The following TRADD variants were observed in gnomAD, a reference collection of about 807,000 sequenced individuals.
TRADD encodes the protein tumor necrosis factor receptor type 1-associated DEATH domain protein.
TRADD carries 14 observed loss-of-function variants against 31.5 expected under a neutral mutation model. That is an observed-to-expected ratio of 0.44 (90% confidence interval 0.29 to 0.69). The LOEUF is 0.69. TRADD is among the 30% of genes least tolerant of loss of function. The pLI is 0.11. For missense variants in TRADD, 388 were observed against 435.7 expected, an observed-to-expected ratio of 0.89 and a Z score of 0.97; for synonymous variants, 220 against 215.8, an observed-to-expected ratio of 1.02 and a Z score of -0.17.
In TRADD at chr16:67,155,495, G is replaced by A. The variant is rs762601599; in HGVS notation, c.311C>T (p.Ala104Val). ...CACCGAGTGCTGGGCGAGCGCGGCC[G>A]CCAGGCTCCTCTGCAGCGCGGCGCG... The part of the protein sequence containing the change: ...ALRAALQRSL[A>V]AALAQHSVPL... The change falls in exon 3 of 5, where the codon GCG becomes GTG. Residue 104 changes from alanine to valine, a missense_variant. Ala to Val is a moderately conservative substitution (Grantham distance 64). Transcript: ENST00000345057. 7.4e-5 allele frequency: 115 copies of A among 1,555,790 alleles called. 1 individual carries two copies. Among genetic ancestry groups the A allele is most frequent in the Admixed American group, 9.3e-5 (5 of 53,640 alleles).
Position 67,156,176 on chromosome 16 carries a change from G to A in TRADD, c.151+334C>T. The A allele has an allele frequency of 7.2e-7, 1 of 1,396,292 alleles. No individual in the cohort carries two copies. 86.5% of individuals were successfully genotyped at this position (1,396,292 alleles called of 1,614,324 possible). On this transcript the variant is annotated intron_variant, in intron 2 of 4. Coordinates refer to ENST00000345057, the MANE Select transcript of TRADD (RefSeq NM_003789.4). The surrounding 1 kb of genome is among the most constrained non-coding windows in gnomAD (Gnocchi z 4.6). ...GGGGGGCCTGGAAGGGTAGGTACTG[G>A]GGAGGGGTCTTGAGCAAGGAGTGCT...
In TRADD at chr16:67,159,506, C is replaced by T. The variant is rs2030824144; in HGVS notation, c.-9+332G>A. Among the ~76,000 whole-genome samples, 1 of 152,228 alleles carries T rather than the reference C, an allele frequency of 6.6e-6. No homozygotes were observed. Among genetic ancestry groups the T allele is most frequent in the African/African-American group, 2.4e-5 (1 of 41,466 alleles). On this transcript the variant is annotated intron_variant, in intron 1 of 4. Transcript: ENST00000345057. The surrounding 1 kb of genome is among the most constrained non-coding windows in gnomAD (Gnocchi z 6.8). ...TCCCAGGCTCCCACTAGCCCACCCT[C>T]AAGCTGGGGTTTCGCACGTGCGATC...
chr16:67,156,275 C>T lies in TRADD; in HGVS notation c.151+235G>A, dbSNP rs1280198388. Reference sequence around the variant, plus strand: ...GAGTGAGCCGGCTGGTGGAGGGGGGCGGGGATGGAGCAAAGGACGTTAGTG... The same window carrying T: ...GAGTGAGCCGGCTGGTGGAGGGGGGTGGGGATGGAGCAAAGGACGTTAGTG... On this transcript the variant is annotated intron_variant, in intron 2 of 4. Transcript: ENST00000345057. The surrounding 1 kb of genome is among the most constrained non-coding windows in gnomAD (Gnocchi z 4.6). 1 of 1,192,794 alleles carries T rather than the reference C, an allele frequency of 8.4e-7. No individual in the cohort carries two copies. Among genetic ancestry groups the T allele is most frequent in the East Asian group, 2.6e-5 (1 of 38,018 alleles). The allele number at this position is 1,192,794 out of a possible 1,614,324, so 73.9% of individuals were successfully genotyped here. A position where few individuals can be genotyped will look rare whatever the true frequency, so the allele number is the denominator to read the frequency against.
At position 67,159,192 on chromosome 16, in the gene TRADD, C is replaced by T. The variant is rs916765947; in HGVS notation, c.-9+646G>A. On this transcript the variant is annotated intron_variant, in intron 1 of 4. Transcript: ENST00000345057. This position sits in a 1 kb window ranked among gnomAD's most constrained non-coding sequence, Gnocchi z 6.8. ...CGCGCCCCACCCACCAGGAGTCGTC[C>T]CTTTTTGGGCGGGGCTGAGGCTTCC... 1.3e-5 allele frequency among the ~76,000 whole-genome samples: 2 copies of T among 152,232 alleles called. No individual in the cohort carries two copies. The highest frequency in any genetic ancestry group is 6.5e-5 in the Admixed American group (1 of 15,282).
Position 67,154,588 on chromosome 16 carries a change from A to G in TRADD, c.*61T>C, listed in dbSNP as rs1426587214. The G allele has an allele frequency of 1.3e-6, 2 of 1,567,062 alleles. No homozygotes were observed. The highest frequency in any genetic ancestry group is 1.7e-6 in the Non-Finnish European group (2 of 1,157,500). ...CCCGTGGATGGACAGGGGTTCAGCA[A>G]TAGCCGCAGAAGGAACCCTAAGGCC... On this transcript the variant is annotated 3_prime_UTR_variant, in exon 5 of 5. Transcript: ENST00000345057. This position sits in a 1 kb window ranked among gnomAD's most constrained non-coding sequence, Gnocchi z 5.2.
In TRADD at chr16:67,156,046, G is replaced by A. The variant is rs2030681674; in HGVS notation, c.152-392C>T. 7.3e-7 allele frequency: 1 copy of A among 1,361,056 alleles called. No individual in the cohort carries two copies. 84.3% of individuals were successfully genotyped at this position (1,361,056 alleles called of 1,614,324 possible). ...CAGGTCTTCGGCCTCCACCAAGCGC[G>A]ACTCCCACTGCTCGGGAAGAAGAGG... On this transcript the variant is annotated intron_variant, in intron 2 of 4. Transcript: ENST00000345057. The surrounding 1 kb of genome is among the most constrained non-coding windows in gnomAD (Gnocchi z 4.6).
At chr16:67,155,754 A>G in intron 2 of TRADD, 100 bp from the exon 3 acceptor site, 2 of 1,473,198 alleles carry the variant, frequency 1.4e-6, no homozygotes, top group Non-Finnish European at 1.8e-6. Context: ...CCCGCGTCCC[A>G]TCCCCTGACC....
rs1428733546 is a variant in TRADD, at chr16:67,154,912, C to G, written c.676G>C (p.Val226Leu). 6.2e-7 allele frequency: 1 copy of G among 1,607,450 alleles called. No homozygotes were observed. Among genetic ancestry groups the G allele is most frequent in the African/African-American group, 1.3e-5 (1 of 74,774 alleles). The change falls in exon 5 of 5, where the codon GTG (valine) becomes CTG (leucine). Residue 226 changes from valine (V) to leucine (L), a missense_variant. Coordinates refer to ENST00000345057, the MANE Select transcript of TRADD (RefSeq NM_003789.4). The surrounding 1 kb of genome is among the most constrained non-coding windows in gnomAD (Gnocchi z 5.2). The part of the protein sequence containing the change: ...LKDQQTFARS[V>L]GLKWRKVGRS... Reference sequence around the variant, plus strand: ...CCCACCTTGCGCCATTTGAGACCCACAGAGCGCGCGAACGTCTGTTGGTCC... The same window carrying G: ...CCCACCTTGCGCCATTTGAGACCCAGAGAGCGCGCGAACGTCTGTTGGTCC...
At chr16:67,155,901 C>G in intron 2 of TRADD, 2 of 1,521,478 alleles carry the variant, frequency 1.3e-6, no homozygotes, top group South Asian at 2.4e-5. Flanking sequence ...CCCGCTCTCA[C>G]GCCCCAAATG....
intron 1 of TRADD, among the ~76,000 whole-genome samples, chr16:67,158,346 A>G (rs565762371): frequency 1.8e-4 from 28 of 152,196 alleles, no homozygotes; most frequent in Admixed American, 1.7e-3. Context: ...TTGTATTTTT[A>G]GTAGAGATGG....
chr16:67,157,238 T>A (rs2030731650), intron 1 of TRADD, among the ~76,000 whole-genome samples: 1 of 152,158 alleles, frequency 6.6e-6, no homozygotes, highest in Non-Finnish European at 1.5e-5. Flanking sequence ...GGGACTTCCC[T>A]CCTCCCTCTT....
chr16:67,158,526 A>G (rs2030782777), intron 1 of TRADD, among the ~76,000 whole-genome samples: 1 of 150,214 alleles, frequency 6.7e-6, no homozygotes, highest in South Asian at 2.2e-4. Flanking sequence ...CAGTCTGGAT[A>G]GTAACAGGAA....
intron 1 of TRADD, among the ~76,000 whole-genome samples, chr16:67,158,018 GGAGTGTT>G (rs1487399023): frequency 6.6e-6 from 1 of 152,138 alleles, no homozygotes; most frequent in African/African-American, 2.4e-5. Context: ...TGGGCTAAGA[GGAGTGTT>G]GAGTGTTAGC....
Position 67,155,153 on chromosome 16 carries a change from T to C in TRADD, c.571A>G (p.Lys191Glu). 6.4e-7 allele frequency: 1 copy of C among 1,551,978 alleles called. No individual in the cohort carries two copies. The highest frequency in any genetic ancestry group is 1.4e-5 in the African/African-American group (1 of 73,350). The change falls in exon 4 of 5, where the codon AAG becomes GAG. Residue 191 changes from lysine (K) to glutamate (E), a missense_variant. Physicochemically the swap from Lys to Glu is moderately conservative, Grantham distance 56. Coordinates refer to ENST00000345057, the MANE Select transcript of TRADD (RefSeq NM_003789.4). ...GCAGGTGGCGGCGGCGGCGGCGGCT[T>C]CACCTCCGACAGAGAGGGCACCGGG... ...QPPVPSLSEV[K>E]PPPPPPPAQT... is the part of the protein sequence containing the mutation.
Position 67,154,834 on chromosome 16 carries a change from G to T in TRADD, c.754C>A (p.Leu252Met). The T allele has an allele frequency of 6.3e-7, 1 of 1,590,696 alleles. No homozygotes were observed. Among genetic ancestry groups the T allele is most frequent in the South Asian group, 1.1e-5 (1 of 88,186 alleles). Reference sequence around the variant, plus strand: ...CCCTCGCGCTCGTACTCGTAGGCCAGCGAGTCCAGCGCCGGGTCCCGCAGC... The same window carrying T: ...CCCTCGCGCTCGTACTCGTAGGCCATCGAGTCCAGCGCCGGGTCCCGCAGC... ...RALRDPALDS[L>M]AYEYEREGLY... The change falls in exon 5 of 5, where the codon CTG becomes ATG. Residue 252 changes from leucine (L) to methionine (M), a missense_variant. Leu to Met is a conservative substitution (Grantham distance 15). Transcript: ENST00000345057. This position sits in a 1 kb window ranked among gnomAD's most constrained non-coding sequence, Gnocchi z 5.2.
rs1419192649 is a variant in TRADD, at chr16:67,154,718, C to T, written c.870G>A (p.Glu290=). The T allele has an allele frequency of 1.1e-5, 18 of 1,612,546 alleles. No individual in the cohort carries two copies. The highest frequency in any genetic ancestry group is 1.7e-4 in the Middle Eastern group (1 of 6,060). The change falls in exon 5 of 5, where the codon GAG becomes GAA. Residue 290 remains glutamate, a synonymous_variant. Coordinates refer to ENST00000345057, the MANE Select transcript of TRADD (RefSeq NM_003789.4). The surrounding 1 kb of genome is among the most constrained non-coding windows in gnomAD (Gnocchi z 5.2). ...CTGCCAGGCTGGTGAGCTCGTTCTCCTCGAGTGCCTCCACCAGGCGCTGCA... is the reference window on the plus strand; with the variant it reads ...CTGCCAGGCTGGTGAGCTCGTTCTCTTCGAGTGCCTCCACCAGGCGCTGCA... The part of the protein sequence containing the change: ...ATLQRLVEAL[E]ENELTSLAED...
At chr16:67,158,163 T>G (rs2030769374) in intron 1 of TRADD, among the ~76,000 whole-genome samples, 1 of 152,174 alleles carries the variant, frequency 6.6e-6, no homozygotes, top group Non-Finnish European at 1.5e-5. Context: ...CGACCTTTGT[T>G]TTTTCAATTG....
intron 2 of TRADD, 187 bp from the exon 3 acceptor site, chr16:67,155,841 C>G: frequency 1.4e-6 from 2 of 1,481,252 alleles, no homozygotes; most frequent in Non-Finnish European, 1.8e-6. Context: ...GAAAGAAGAC[C>G]AGGATCTGTC....
In TRADD at chr16:67,156,143, A is replaced by G; in HGVS notation, c.151+367T>C. On this transcript the variant is annotated intron_variant, in intron 2 of 4. Coordinates refer to ENST00000345057, the MANE Select transcript of TRADD (RefSeq NM_003789.4). This position sits in a 1 kb window ranked among gnomAD's most constrained non-coding sequence, Gnocchi z 4.6. ...AGCCTCCTGTGGCCTCTGCCCTGAGATGGGAAAGGGGGGCCTGGAAGGGTA... is the reference window on the plus strand; with the variant it reads ...AGCCTCCTGTGGCCTCTGCCCTGAGGTGGGAAAGGGGGGCCTGGAAGGGTA... 7.3e-7 allele frequency: 1 copy of G among 1,361,894 alleles called. No individual in the cohort carries two copies. 84.4% of individuals were successfully genotyped at this position (1,361,894 alleles called of 1,614,324 possible). A position where few individuals can be genotyped will look rare whatever the true frequency, so the allele number is the denominator to read the frequency against.
Sources: allele counts gnomAD v4.1 joint callset (sites outside exome capture counted in the v4.1 genomes callset), GRCh38; gene constraint gnomAD v4.1.1; non-coding constraint Gnocchi (gnomAD v3.1); transcripts MANE v1.5; gene names NCBI Gene and HGNC (gene_info 2026-07-23, HGNC 2026-07-21).